ADGRG7: variants seen among roughly 807,000 people sequenced by gnomAD.
ADGRG7 encodes G-protein coupled receptor 128.
In ADGRG7, 82 loss-of-function variants were observed where a neutral mutation model predicts 88.6. The ratio of observed to expected loss-of-function variants is 0.93; its 90% CI spans 0.77 to 1.11. ADGRG7 has a LOEUF of 1.11. Among genes scored for constraint, ADGRG7 ranks in the 50% most tolerant of loss-of-function variants. ADGRG7 has a pLI of 0.00. For synonymous variants in ADGRG7, 381 were observed against 345.2 expected, an observed-to-expected ratio of 1.10 and a Z score of -1.15; for missense variants, 945 against 953.4, an observed-to-expected ratio of 0.99 and a Z score of 0.12.
At chr3:100,670,294 A>G (rs899725089) in intron 15 of ADGRG7, among the ~76,000 whole-genome samples, 2 of 152,160 alleles carry the variant, frequency 1.3e-5, no homozygotes, top group African/African-American at 4.8e-5. Context: ...ATTTCACTTA[A>G]CATAATGACC....
At chr3:100,638,549 A>G (rs1015932161) in intron 6 of ADGRG7, among the ~76,000 whole-genome samples, 6 of 152,170 alleles carry the variant, frequency 3.9e-5, no homozygotes, top group African/African-American at 1.4e-4. Context: ...ATTCGTAAAA[A>G]GACATTATTC....
chr3:100,668,535 ATCAC>A (rs1400276905), intron 14 of ADGRG7, among the ~76,000 whole-genome samples: 1 of 152,218 alleles, frequency 6.6e-6, no homozygotes, highest in African/African-American at 2.4e-5. Flanking sequence ...GAGGAAGAAG[ATCAC>A]TCTGCATCTA....
At chr3:100,651,521 G>T (rs566541867) in intron 11 of ADGRG7, among the ~76,000 whole-genome samples, 1 of 152,032 alleles carries the variant, frequency 6.6e-6, no homozygotes, top group South Asian at 2.1e-4. Flanking sequence ...TGCAACCAAA[G>T]ATACCACTAA....
At chr3:100,611,549 C>T (rs1276668213) in intron 1 of ADGRG7, among the ~76,000 whole-genome samples, 1 of 152,048 alleles carries the variant, frequency 6.6e-6, no homozygotes, top group Non-Finnish European at 1.5e-5. Context: ...AATATATTCC[C>T]GAACTTTCTG....
chr3:100,615,289 C>G (rs781020030), intron 1 of ADGRG7, among the ~76,000 whole-genome samples: 67 of 152,316 alleles, frequency 4.4e-4, no homozygotes, highest in Non-Finnish European at 8.8e-4. Context: ...GAACAAGCCA[C>G]TTAATCTTTC....
At chr3:100,645,156 G>T (rs1017653373) in intron 8 of ADGRG7, among the ~76,000 whole-genome samples, 1 of 152,204 alleles carries the variant, frequency 6.6e-6, no homozygotes, top group Non-Finnish European at 1.5e-5. Flanking sequence ...TACTGTTGAC[G>T]CTTCTGCTGT....
intron 15 of ADGRG7, among the ~76,000 whole-genome samples, chr3:100,676,133 T>A (rs1256248885): frequency 6.6e-6 from 1 of 152,092 alleles, no homozygotes; most frequent in Non-Finnish European, 1.5e-5. Flanking sequence ...TTATTTTCTT[T>A]ACTAATTTTG....
chr3:100,647,774 G>A (rs1045926597), intron 10 of ADGRG7, among the ~76,000 whole-genome samples: 1 of 152,302 alleles, frequency 6.6e-6, no homozygotes, highest in East Asian at 1.9e-4. Context: ...GAATTATGAA[G>A]AGTGTTCTTC....
intron 13 of ADGRG7, 44 bp from the exon 14 acceptor site, chr3:100,659,644 T>C (rs1306654880): frequency 6.3e-7 from 1 of 1,590,968 alleles, no homozygotes; most frequent in Non-Finnish European, 8.6e-7. Context: ...CCAGTATGTA[T>C]ACCTTTCTTA....
chr3:100,629,752 C>A, intron 2 of ADGRG7, 41 bp downstream of exon 2: 1 of 1,308,670 alleles, frequency 7.6e-7, no homozygotes, highest in Non-Finnish European at 1.1e-6. Context: ...AGGTTTACGT[C>A]ACTCTTGTGT....
Position 100,613,081 on chromosome 3 carries a change from G to A in ADGRG7, c.115+3110G>A, listed in dbSNP as rs1469478611. ...TTTTGTGTATTTTTAGTAGAGATGT[G>A]GTTTCACCATGCTGACCAAGCTGGT... On this transcript the variant is annotated intron_variant, in intron 1 of 15. Transcript: ENST00000273352. Among the ~76,000 whole-genome samples the A allele has an allele frequency of 2.6e-5, 4 of 152,062 alleles. No homozygotes were observed. In the East Asian group the frequency reaches 7.7e-4, roughly 29 times the overall value.
In ADGRG7 at chr3:100,640,545, G is replaced by A. The variant is rs566429944; in HGVS notation, c.699-2721G>A. On this transcript the variant is annotated intron_variant, in intron 6 of 15. Transcript: ENST00000273352. The stretch of plus-strand genomic sequence containing the variant: ...CATTTTTTTTTCCTTTTTTTGAGAC[G>A]GAGTCTTGCTCTGTCACCCAGGCTG... 3.8e-4 allele frequency among the ~76,000 whole-genome samples: 57 copies of A among 151,180 alleles called. No individual in the cohort carries two copies. The Middle Eastern group carries it at 0.014, about 36-fold the overall frequency.
At chr3:100,687,151 G>T (rs896319760) in intron 15 of ADGRG7, among the ~76,000 whole-genome samples, 1 of 152,172 alleles carries the variant, frequency 6.6e-6, no homozygotes, top group Non-Finnish European at 1.5e-5. Flanking sequence ...AATTGTGAAT[G>T]GGAGTTCACT....
chr3:100,629,581 A>T lies in ADGRG7; in HGVS notation c.116-17A>T. ...TCAGCCAGTTCATGACTATTCTGTT[A>T]TTTATTGTTTCTTTAGGAAAATCTA... On this transcript the variant is annotated splice_polypyrimidine_tract_variant and intron_variant, in intron 1 of 15. Transcript: ENST00000273352. The T allele has an allele frequency of 6.4e-7, 1 of 1,567,972 alleles. No individual in the cohort carries two copies. The highest frequency in any genetic ancestry group is 1.1e-5 in the South Asian group (1 of 89,944).
At chr3:100,662,939 T>C (rs539572888) in intron 14 of ADGRG7, among the ~76,000 whole-genome samples, 1 of 152,160 alleles carries the variant, frequency 6.6e-6, no homozygotes, top group African/African-American at 2.4e-5. Context: ...GAAAGGGAAA[T>C]CTATACAAAT....
At chr3:100,647,017 T>C (rs1145345) in intron 10 of ADGRG7, among the ~76,000 whole-genome samples, 136,110 of 151,844 alleles carry the variant, frequency 0.9, 62,902 homozygotes, top group East Asian at 1. Flanking sequence ...AATTACCAGG[T>C]GTAGTGGTGC....
chr3:100,634,565 A>G (rs1358557900), intron 4 of ADGRG7, among the ~76,000 whole-genome samples: 1 of 152,116 alleles, frequency 6.6e-6, no homozygotes, highest in Non-Finnish European at 1.5e-5. Context: ...TAAAGTTCAC[A>G]TTGTACTACC....
rs570524027 is a variant in ADGRG7 at position 100,630,647 on chromosome 3, T to A, written c.230-58T>A. On this transcript the variant is annotated intron_variant, in intron 2 of 15. Coordinates refer to ENST00000273352, the MANE Select transcript of ADGRG7 (RefSeq NM_032787.3). ...TAGGTTCTGACCTTTGACTTTTATC[T>A]GGTTTCAATTTTTTTAAAATACAAT... 2.0e-4 allele frequency: 163 copies of A among 797,274 alleles called. No individual in the cohort carries two copies. In the East Asian group the frequency reaches 5.1e-3, roughly 25 times the overall value. The allele number at this position is 797,274 out of a possible 1,614,324, so 49.4% of individuals were successfully genotyped here.
At chr3:100,648,974 G>A (rs760357499) in intron 10 of ADGRG7, among the ~76,000 whole-genome samples, 1 of 151,800 alleles carries the variant, frequency 6.6e-6, no homozygotes, top group Non-Finnish European at 1.5e-5. Context: ...TAAAAATAAG[G>A]CTTCCTTTAA....
Sources: allele counts gnomAD v4.1 joint callset (sites outside exome capture counted in the v4.1 genomes callset), GRCh38; gene constraint gnomAD v4.1.1; transcripts MANE v1.5; gene names NCBI Gene and HGNC (gene_info 2026-07-23, HGNC 2026-07-21).